The following ASCC2 variants were observed in gnomAD, a reference collection of about 807,000 sequenced individuals.
ASCC2 encodes ASC-1 complex subunit P100.
Under a neutral mutation model 93.5 loss-of-function variants are expected in ASCC2, and 42 were observed. The ratio of observed to expected loss-of-function variants is 0.45; its 90% CI spans 0.35 to 0.58. The LOEUF (loss-of-function observed/expected upper bound fraction) is 0.58, where lower values mean the gene tolerates loss of function less well. ASCC2 is among the 20% of genes least tolerant of loss of function. The probability of loss-of-function intolerance (pLI) is 0.00; values close to 1 mark genes in which losing one functional copy is unlikely to be tolerated. For missense variants in ASCC2, 859 were observed against 977.6 expected (o/e 0.88, Z 1.62); for synonymous variants, 364 against 384.2 (o/e 0.95, Z 0.62).
In ASCC2 at chr22:29,793,567, G is replaced by C. The variant is rs569408700; in HGVS notation, c.1788+10C>G. The C allele has an allele frequency of 5.0e-5, 81 of 1,613,280 alleles. 1 individual carries two copies. In the South Asian group the frequency reaches 8.9e-4, roughly 18 times the overall value. On this transcript the variant is annotated intron_variant, in intron 16 of 19. Coordinates refer to ENST00000307790, the MANE Select transcript of ASCC2 (RefSeq NM_032204.5). ...CCTGGCCCAGCAGAGACCTGGCCTT[G>C]GTGGCCTACCTCCTCCACCACCACG...
At chr22:29,807,974 G>A (rs983244653) in intron 9 of ASCC2, 137 bp downstream of exon 9, 5 of 767,806 alleles carry the variant, frequency 6.5e-6, no homozygotes, top group Non-Finnish European at 1.1e-5. Flanking sequence ...AGATAGGGAT[G>A]CAGAAGCTCA....
chr22:29,809,819 G>A (rs918117081), intron 8 of ASCC2: 2 of 151,100 alleles, frequency 1.3e-5, no homozygotes, highest in Non-Finnish European at 2.9e-5. Flanking sequence ...TAATTTATAC[G>A]AAATTATTTT....
At chr22:29,813,236 A>C (rs2060481192) in intron 8 of ASCC2, among the ~76,000 whole-genome samples, 194 bp downstream of exon 8, 1 of 152,122 alleles carries the variant, frequency 6.6e-6, no homozygotes, top group Non-Finnish European at 1.5e-5. Context: ...TTGGCCAAAA[A>C]CAGGAGTGCT....
chr22:29,818,858 T>C (rs2061215920), intron 5 of ASCC2, among the ~76,000 whole-genome samples: 1 of 152,128 alleles, frequency 6.6e-6, no homozygotes, highest in African/African-American at 2.4e-5. Context: ...AACCAACACC[T>C]GTTCCAGCTG....
intron 6 of ASCC2, among the ~76,000 whole-genome samples, chr22:29,815,012 G>T (rs1368801908): frequency 6.6e-6 from 1 of 152,218 alleles, no homozygotes; most frequent in Non-Finnish European, 1.5e-5. Flanking sequence ...AAGACAACCT[G>T]GGGCCAGGTG....
At chr22:29,815,154 G>A (rs1052745660) in intron 6 of ASCC2, 3 of 222,576 alleles carry the variant, frequency 1.3e-5, no homozygotes, top group Admixed American at 6.4e-5. Context: ...TAAATTAGCT[G>A]GGCAAGATGG....
At chr22:29,819,786 TTG>T (rs990882314) in intron 5 of ASCC2, among the ~76,000 whole-genome samples, 7 of 152,298 alleles carry the variant, frequency 4.6e-5, no homozygotes, top group African/African-American at 1.7e-4. Flanking sequence ...GGCCTAAGAA[TTG>T]TTTCTCTAAC....
chr22:29,834,452 G>C (rs1172245345), intron 1 of ASCC2: 1 of 469,844 alleles, frequency 2.1e-6, no homozygotes, highest in Non-Finnish European at 4.4e-6. Flanking sequence ...CCTAGAAGGA[G>C]TAATAAGAGA....
At chr22:29,827,809 TGA>T (rs2062591707) in intron 2 of ASCC2, among the ~76,000 whole-genome samples, 1 of 101,256 alleles carries the variant, frequency 9.9e-6, no homozygotes, top group African/African-American at 4.0e-5. Context: ...CTACTCATTC[TGA>T]CACACACACA....
chr22:29,800,576 G>C (rs2058968295), intron 15 of ASCC2, among the ~76,000 whole-genome samples: 1 of 152,170 alleles, frequency 6.6e-6, no homozygotes, highest in Non-Finnish European at 1.5e-5. Context: ...AGGCCTTAAA[G>C]TGGAATATGT....
intron 5 of ASCC2, among the ~76,000 whole-genome samples, chr22:29,818,496 G>A (rs2061165997): frequency 9.2e-6 from 1 of 108,968 alleles, no homozygotes; most frequent in Admixed American, 9.2e-5. Context: ...GGCTCCTGAG[G>A]CCTGGTCCTG....
Position 29,813,546 on chromosome 22 carries a change from T to C in ASCC2, c.721-4A>G, listed in dbSNP as rs1215454461. Reference sequence around the variant, plus strand: ...AGAGAACAATGTCCTTTAATTCCTGTTGCCAAAAGAATACACTGCATTATT... The same window carrying C: ...AGAGAACAATGTCCTTTAATTCCTGCTGCCAAAAGAATACACTGCATTATT... On this transcript the variant is annotated splice_polypyrimidine_tract_variant and splice_region_variant and intron_variant, in intron 7 of 19. Coordinates refer to ENST00000307790, the MANE Select transcript of ASCC2 (RefSeq NM_032204.5). 3 of 1,586,124 alleles carry C rather than the reference T, an allele frequency of 1.9e-6. No individual in the cohort carries two copies. The East Asian group carries it at 6.7e-5, about 35-fold the overall frequency.
At chr22:29,835,242 T>A (rs933769964) in intron 1 of ASCC2, among the ~76,000 whole-genome samples, 10 of 151,712 alleles carry the variant, frequency 6.6e-5, no homozygotes, top group Non-Finnish European at 1.3e-4. Context: ...TACAAAAAAT[T>A]CAAAAATTAG....
chr22:29,818,229 G>A (rs752473448), intron 5 of ASCC2, among the ~76,000 whole-genome samples: 4 of 151,868 alleles, frequency 2.6e-5, no homozygotes, highest in Admixed American at 6.6e-5. Flanking sequence ...CTGAGTTTCC[G>A]CGGTATAGAA....
chr22:29,813,052 TG>T (rs902532257), intron 8 of ASCC2, among the ~76,000 whole-genome samples: 1 of 152,156 alleles, frequency 6.6e-6, no homozygotes, highest in Non-Finnish European at 1.5e-5. Flanking sequence ...CAGTAATTTT[TG>T]TATTTTTAGT....
intron 17 of ASCC2, 93 bp downstream of exon 17, chr22:29,793,267 G>A: frequency 6.4e-7 from 1 of 1,551,846 alleles, no homozygotes; most frequent in Non-Finnish European, 8.7e-7. Context: ...TTGGGCCCTG[G>A]ATCTGCCACA....
intron 2 of ASCC2, among the ~76,000 whole-genome samples, chr22:29,828,852 C>T (rs1425579022): frequency 6.6e-6 from 1 of 152,182 alleles, no homozygotes; most frequent in Admixed American, 6.6e-5. Flanking sequence ...ATGGAAAAAC[C>T]AATCAAATTG....
Position 29,813,485 on chromosome 22 carries a change from G to A in ASCC2, c.778C>T (p.Leu260=). 1 of 1,614,184 alleles carries A rather than the reference G, an allele frequency of 6.2e-7. No individual in the cohort carries two copies. Among genetic ancestry groups the A allele is most frequent in the Non-Finnish European group, 8.5e-7 (1 of 1,180,012 alleles). ...CDTCTTLWAF[L]DIFPLACQTF... Reference sequence around the variant, plus strand: ...TGGCAAGCCAAAGGGAAGATATCCAGAAAGGCCCAAAGTGTGGTGCAGGTA... The same window carrying A: ...TGGCAAGCCAAAGGGAAGATATCCAAAAAGGCCCAAAGTGTGGTGCAGGTA... The change falls in exon 8 of 20, where the codon CTG becomes TTG. Residue 260 remains leucine, a synonymous_variant. Coordinates refer to ENST00000307790, the MANE Select transcript of ASCC2 (RefSeq NM_032204.5).
chr22:29,816,373 T>C (rs1483699678), intron 5 of ASCC2, among the ~76,000 whole-genome samples: 3 of 152,176 alleles, frequency 2.0e-5, no homozygotes, highest in Non-Finnish European at 4.4e-5. Context: ...CTCACACTGA[T>C]GTCCCCAGGG....
Sources: gnomAD v4.1 joint callset for allele counts (sites outside exome capture counted in the v4.1 genomes callset) on GRCh38, gnomAD v4.1.1 for gene constraint, MANE v1.5 for transcripts, NCBI Gene and HGNC (gene_info 2026-07-23, HGNC 2026-07-21) for gene names.